Variants in ZW10 observed in about 807,000 individuals in gnomAD.
ZW10 encodes the protein centromere/kinetochore protein zw10 homolog.
Under a neutral mutation model 87.8 loss-of-function variants are expected in ZW10, and 53 were observed. The observed-to-expected ratio is 0.60, with a 90% CI of 0.48 to 0.76. ZW10 has a LOEUF of 0.76. ZW10 is among the 30% of genes least tolerant of loss of function. ZW10 has a pLI of 0.00. For missense variants in ZW10, 837 were observed against 923.0 expected (o/e 0.91, Z 1.21); for synonymous variants, 312 against 329.2 (o/e 0.95, Z 0.57).
chr11:113,770,938 G>C (rs148467357), intron 1 of ZW10, among the ~76,000 whole-genome samples: 9 of 148,748 alleles, frequency 6.1e-5, no homozygotes, highest in East Asian at 2.0e-4. Context: ...ACGTCAGTCT[G>C]TACTTCCTCA....
intron 5 of ZW10, among the ~76,000 whole-genome samples, chr11:113,759,945 A>G (rs1203713909): frequency 1.3e-5 from 2 of 152,180 alleles, no homozygotes; most frequent in Non-Finnish European, 2.9e-5. Context: ...CTCTCACCAC[A>G]TGATCCCAAC....
rs145330073 is a variant in ZW10 at position 113,748,231 on chromosome 11, C to G, written c.1089+26G>C. Reference sequence around the variant, plus strand: ...AATAAGAAACAACAGTGTCTTAAAACCTTCTGTGCTGTCTGGGCTCTTTAC... The same window carrying G: ...AATAAGAAACAACAGTGTCTTAAAAGCTTCTGTGCTGTCTGGGCTCTTTAC... On this transcript the variant is annotated intron_variant, in intron 8 of 15. Transcript: ENST00000200135. 552 of 1,580,710 alleles carry G rather than the reference C, an allele frequency of 3.5e-4. No individual in the cohort carries two copies. In the African/African-American group the frequency reaches 6.6e-3, roughly 19 times the overall value.
chr11:113,760,342 T>A lies in ZW10; in HGVS notation c.447A>T (p.Lys149Asn). The A allele has an allele frequency of 6.2e-7, 1 of 1,613,996 alleles. No homozygotes were observed. Among genetic ancestry groups the A allele is most frequent in the Non-Finnish European group, 8.5e-7 (1 of 1,180,002 alleles). ...EEAQKCLKLL[K>N]SRKCFDLKIL... ...TTTTTAAATCAAAGCATTTTCTGGA[T>A]TTTAATAACTTCAAGCATTTCTGTG... The change falls in exon 5 of 16, where the codon AAA becomes AAT. Residue 149 changes from lysine (K) to asparagine (N), a missense_variant. Coordinates refer to ENST00000200135, the MANE Select transcript of ZW10 (RefSeq NM_004724.4).
chr11:113,768,941 C>G lies in ZW10; in HGVS notation c.132G>C (p.Lys44Asn), dbSNP rs1339727414. ...IKGEVCNMIS[K>N]KYSEFLPSMQ... ...TGCTAGGCAGGAATTCACTGTACTT[C>G]TTGCTAATCATATTGCACACCTCAC... Residue 44 changes from lysine to asparagine, a missense_variant, in exon 2 of 16, where the codon AAG becomes AAC. Lys to Asn is a moderately conservative substitution (Grantham distance 94). Coordinates refer to ENST00000200135, the MANE Select transcript of ZW10 (RefSeq NM_004724.4). 1.2e-6 allele frequency: 2 copies of G among 1,614,156 alleles called. No homozygotes were observed. Among genetic ancestry groups the G allele is most frequent in the Admixed American group, 3.3e-5 (2 of 60,032 alleles).
chr11:113,760,642 G>A, intron 3 of ZW10, 52 bp from the exon 4 acceptor site: 1 of 1,453,890 alleles, frequency 6.9e-7, no homozygotes, highest in Non-Finnish European at 9.5e-7. Context: ...AAGTCTGTTT[G>A]CTTTTAAACA....
intron 10 of ZW10, among the ~76,000 whole-genome samples, chr11:113,742,210 A>T (rs1953627191): frequency 1.3e-5 from 2 of 152,290 alleles, no homozygotes; most frequent in South Asian, 4.1e-4. Context: ...TCTCCTTCTT[A>T]CCTCAATGCA....
chr11:113,736,588 G>C (rs752620553), intron 15 of ZW10, 32 bp downstream of exon 15: 13 of 1,605,606 alleles, frequency 8.1e-6, no homozygotes, highest in Non-Finnish European at 1.1e-5. Context: ...GCTATGGAGA[G>C]TTATATGCCT....
intron 7 of ZW10, among the ~76,000 whole-genome samples, chr11:113,751,511 A>C (rs2134880434): frequency 6.6e-6 from 1 of 152,314 alleles, no homozygotes; most frequent in Middle Eastern, 3.4e-3. Flanking sequence ...TGAAAAAATT[A>C]ATTTTTATTA....
chr11:113,764,586 A>G (rs73009851), intron 2 of ZW10, among the ~76,000 whole-genome samples: 11,808 of 151,914 alleles, frequency 0.078, 623 homozygotes, highest in Non-Finnish European at 0.11. Context: ...GCTTTTTTCT[A>G]TTTTTAAATT....
intron 4 of ZW10, 27 bp from the exon 5 acceptor site, chr11:113,760,395 A>C (rs200417523): frequency 6.2e-7 from 1 of 1,612,424 alleles, no homozygotes; most frequent in African/African-American, 1.3e-5. Context: ...ATCACTGTTA[A>C]ACATTCCATC....
chr11:113,740,375 G>A (rs1330912312), intron 11 of ZW10, among the ~76,000 whole-genome samples: 1 of 152,088 alleles, frequency 6.6e-6, no homozygotes, highest in African/African-American at 2.4e-5. Flanking sequence ...GATCACTTGA[G>A]CCAAGGAGTT....
intron 7 of ZW10, 80 bp from the exon 8 acceptor site, chr11:113,748,500 T>C (rs1953704067): frequency 7.8e-7 from 1 of 1,279,450 alleles, no homozygotes; most frequent in Non-Finnish European, 1.1e-6. Flanking sequence ...TAGAATTCTT[T>C]AATTTTAAGA....
intron 10 of ZW10, among the ~76,000 whole-genome samples, chr11:113,742,475 T>G (rs1565280504): frequency 1.3e-5 from 2 of 152,200 alleles, no homozygotes; most frequent in Non-Finnish European, 2.9e-5. Context: ...AATACCTTAT[T>G]AAATTATTTC....
chr11:113,754,181 C>A (rs1204238619), intron 7 of ZW10, among the ~76,000 whole-genome samples: 3 of 152,106 alleles, frequency 2.0e-5, no homozygotes, highest in Non-Finnish European at 2.9e-5. Flanking sequence ...GTTCATCAAC[C>A]GTTCCAAAAA....
At chr11:113,761,046 CTG>C (rs1953855469) in intron 2 of ZW10, 128 bp from the exon 3 acceptor site, 1 of 715,836 alleles carries the variant, frequency 1.4e-6, no homozygotes, top group African/African-American at 1.8e-5. Flanking sequence ...CTAGTTAAGA[CTG>C]GAATAAAAAT....
chr11:113,746,268 T>C (rs1364610498), intron 9 of ZW10, among the ~76,000 whole-genome samples: 1 of 152,134 alleles, frequency 6.6e-6, no homozygotes, highest in Non-Finnish European at 1.5e-5. Context: ...AGTTCAATCC[T>C]CTCACAGTAC....
At chr11:113,773,348 C>A (rs1337464158) in intron 1 of ZW10, among the ~76,000 whole-genome samples, 1 of 151,992 alleles carries the variant, frequency 6.6e-6, no homozygotes, top group Admixed American at 6.6e-5. Flanking sequence ...CAGTTCCCAA[C>A]CCCTGTGTGG....
chr11:113,765,848 G>A (rs1953902814), intron 2 of ZW10, among the ~76,000 whole-genome samples: 1 of 152,196 alleles, frequency 6.6e-6, no homozygotes, highest in South Asian at 2.1e-4. Flanking sequence ...GGAAGACAGA[G>A]ATGGTGTCTC....
chr11:113,757,773 T>C lies in ZW10; in HGVS notation c.814A>G (p.Ile272Val), dbSNP rs1451487469. The C allele has an allele frequency of 6.2e-7, 1 of 1,613,856 alleles. No individual in the cohort carries two copies. Among genetic ancestry groups the C allele is most frequent in the Admixed American group, 1.7e-5 (1 of 60,014 alleles). The change falls in exon 7 of 16, where the codon ATA (isoleucine) becomes GTA (valine). Residue 272 changes from isoleucine to valine, a missense_variant. Physicochemically the swap from Ile to Val is conservative, Grantham distance 29. Transcript: ENST00000200135. Reference sequence around the variant, plus strand: ...ATAGATTCAAAACGAATAATAACTATGTTAGGCTGGCTTTCTATCACAGCA... The same window carrying C: ...ATAGATTCAAAACGAATAATAACTACGTTAGGCTGGCTTTCTATCACAGCA... ...LHAVIESQPN[I>V]VIIRFESIMT... is the part of the protein sequence containing the mutation.
Sources: gnomAD v4.1 joint callset for allele counts (sites outside exome capture counted in the v4.1 genomes callset) on GRCh38, gnomAD v4.1.1 for gene constraint, MANE v1.5 for transcripts, NCBI Gene and HGNC (gene_info 2026-07-23, HGNC 2026-07-21) for gene names.